The following GTF2IRD2 variants were observed in gnomAD, a reference collection of about 807,000 sequenced individuals.
GTF2IRD2 encodes the protein GTF2I repeat domain containing 2, also known as general transcription factor II-I repeat domain-containing protein 2A.
In GTF2IRD2, 8 loss-of-function variants were observed where a neutral mutation model predicts 49.2. The observed-to-expected ratio is 0.16, with a 90% CI of 0.10 to 0.29. The LOEUF (loss-of-function observed/expected upper bound fraction) is 0.29. Ranked by LOEUF, GTF2IRD2 falls within the 10% of genes least tolerant of loss-of-function variation. GTF2IRD2 has a pLI of 1.00. For missense variants in GTF2IRD2, 130 were observed against 725.7 expected, an observed-to-expected ratio of 0.18 and a Z score of 9.43; for synonymous variants, 47 against 289.7, an observed-to-expected ratio of 0.16 and a Z score of 8.51.
intron 10 of GTF2IRD2, among the ~76,000 whole-genome samples, chr7:74,809,485 C>CA (rs1201111544): frequency 5.9e-4 from 14 of 23,858 alleles, no homozygotes; most frequent in African/African-American, 3.1e-3. Flanking sequence ...ATTAAAAATA[C>CA]AAAAATTATC....
At chr7:74,825,959 C>T (rs1168575646) in intron 3 of GTF2IRD2, among the ~76,000 whole-genome samples, 1 of 151,934 alleles carries the variant, frequency 6.6e-6, no homozygotes. Flanking sequence ...TGCCACCACG[C>T]CCGGCTAATT....
chr7:74,796,455 G>A lies in GTF2IRD2; in HGVS notation c.*207C>T, dbSNP rs1386581834. 1.7e-5 allele frequency: 9 copies of A among 537,774 alleles called. No individual in the cohort carries two copies. The highest frequency in any genetic ancestry group is 1.0e-4 in the South Asian group (5 of 49,874). The allele number at this position is 537,774 out of a possible 1,614,324, so 33.3% of individuals were successfully genotyped here. A position where few individuals can be genotyped will look rare whatever the true frequency, so the allele number is the denominator to read the frequency against. On this transcript the variant is annotated 3_prime_UTR_variant, in exon 16 of 16. Transcript: ENST00000451013. ...CGCACGCCTGTAGTCCCAGCTGCTCGGGAGGCTGAGGCAGGAGAATCGTTC... is the reference window on the plus strand; with the variant it reads ...CGCACGCCTGTAGTCCCAGCTGCTCAGGAGGCTGAGGCAGGAGAATCGTTC...
chr7:74,850,958 T>C (rs1307457732), intron 1 of GTF2IRD2, among the ~76,000 whole-genome samples: 1 of 26,608 alleles, frequency 3.8e-5, no homozygotes, highest in Non-Finnish European at 5.9e-5. Context: ...ACGCGTGACG[T>C]CAGGGGGCGG....
At chr7:74,815,777 A>G (rs1466534810) in intron 8 of GTF2IRD2, among the ~76,000 whole-genome samples, 1 of 40,390 alleles carries the variant, frequency 2.5e-5, no homozygotes, top group Non-Finnish European at 5.3e-5. Flanking sequence ...AAAGAAAGAA[A>G]GAAGGAAAGA....
At chr7:74,815,859 A>AG (rs1798496721) in intron 8 of GTF2IRD2, among the ~76,000 whole-genome samples, 1 of 106,548 alleles carries the variant, frequency 9.4e-6, no homozygotes, top group Non-Finnish European at 2.0e-5. Context: ...AGAAAGAAAG[A>AG]AAGAAAGAGA....
At chr7:74,826,333 C>G (rs1554419688) in intron 3 of GTF2IRD2, among the ~76,000 whole-genome samples, 1 of 150,124 alleles carries the variant, frequency 6.7e-6, no homozygotes, top group African/African-American at 2.4e-5. Context: ...AATCTCAGCT[C>G]ACAGTAATCT....
At chr7:74,842,001 G>A (rs1554421942) in intron 1 of GTF2IRD2, among the ~76,000 whole-genome samples, 1 of 130,768 alleles carries the variant, frequency 7.6e-6, no homozygotes, top group African/African-American at 3.2e-5. Flanking sequence ...GCGCACGCCT[G>A]TAGTCCCAGC....
chr7:74,826,731 T>TC (rs1293701454), intron 3 of GTF2IRD2, among the ~76,000 whole-genome samples: 2 of 95,350 alleles, frequency 2.1e-5, no homozygotes, highest in African/African-American at 1.0e-4. Flanking sequence ...TTTTTTTTTT[T>TC]GAGAGAGTCT....
At chr7:74,831,227 C>A (rs1554420338) in intron 3 of GTF2IRD2, among the ~76,000 whole-genome samples, 1 of 150,626 alleles carries the variant, frequency 6.6e-6, no homozygotes, top group African/African-American at 2.4e-5. Flanking sequence ...TCTATCCATT[C>A]ATCTAATCTA....
intron 3 of GTF2IRD2, among the ~76,000 whole-genome samples, chr7:74,829,646 C>G (rs1799659349): frequency 6.7e-6 from 1 of 148,318 alleles, no homozygotes; most frequent in South Asian, 2.1e-4. Context: ...TTTTGGGAGG[C>G]TGAGGAGGGT....
In GTF2IRD2 at chr7:74,815,797, G is replaced by GGAAAGAAA. The variant is rs1189790776; in HGVS notation, c.671-2989_671-2982dup. On this transcript the variant is annotated intron_variant, in intron 8 of 15. Transcript: ENST00000451013. ...AAGAAAGAAGGAAAGAAAGAAAGAA[G>GGAAAGAAA]GAAAGAAAGAAAGAAAGAAAGAAAG... Among the ~76,000 whole-genome samples, 395 of 45,862 alleles carry GGAAAGAAA rather than the reference G, an allele frequency of 8.6e-3. 9 individuals are homozygous for GGAAAGAAA. Among genetic ancestry groups the GGAAAGAAA allele is most frequent in the South Asian group, 0.013 (17 of 1,324 alleles). The allele number at this position is 45,862 out of a possible 152,430, so 30.1% of individuals were successfully genotyped here.
chr7:74,829,505 T>A (rs1259885234), intron 3 of GTF2IRD2, among the ~76,000 whole-genome samples: 1 of 134,304 alleles, frequency 7.4e-6, no homozygotes, highest in Non-Finnish European at 1.6e-5. Flanking sequence ...ATATCTGTAC[T>A]ACCAAAAGCC....
At chr7:74,800,307 G>C (rs1160091274) in intron 15 of GTF2IRD2, among the ~76,000 whole-genome samples, 1 of 142,762 alleles carries the variant, frequency 7.0e-6, no homozygotes, top group Non-Finnish European at 1.5e-5. Flanking sequence ...CCGACTCCCT[G>C]GTTCAAGTGA....
intron 3 of GTF2IRD2, among the ~76,000 whole-genome samples, chr7:74,825,773 G>C (rs1799323682): frequency 1.3e-5 from 2 of 151,996 alleles, no homozygotes; most frequent in Admixed American, 1.3e-4. Context: ...TCAATGTAAG[G>C]GGCACAAGTA....
intron 3 of GTF2IRD2, among the ~76,000 whole-genome samples, chr7:74,829,890 A>AAAAACAAACAAAC (rs1167564000): frequency 5.6e-4 from 46 of 82,646 alleles, no homozygotes; most frequent in African/African-American, 9.4e-4. Context: ...TCTGTCTCAA[A>AAAAACAAACAAAC]AAAAAAAAAA....
intron 10 of GTF2IRD2, among the ~76,000 whole-genome samples, chr7:74,809,784 A>T (rs1444877641): frequency 7.4e-6 from 1 of 134,958 alleles, no homozygotes; most frequent in African/African-American, 2.6e-5. Flanking sequence ...GGAAATCTTT[A>T]TTATTATTAT....
Position 74,827,924 on chromosome 7 carries a change from G to A in GTF2IRD2, c.239-2872C>T, listed in dbSNP as rs1799536705. 6.1e-5 allele frequency among the ~76,000 whole-genome samples: 2 copies of A among 32,796 alleles called. 1 individual carries two copies. Among genetic ancestry groups the A allele is most frequent in the South Asian group, 2.2e-3 (2 of 898 alleles). The allele number at this position is 32,796 out of a possible 152,430, so 21.5% of individuals were successfully genotyped here. A position where few individuals can be genotyped will look rare whatever the true frequency, so the allele number is the denominator to read the frequency against. Reference sequence around the variant, plus strand: ...CAACCTCCACCTCCCGGGTTCAAGCGATTCTCCTGCCTCTCCCTCCCGAGT... The same window carrying A: ...CAACCTCCACCTCCCGGGTTCAAGCAATTCTCCTGCCTCTCCCTCCCGAGT... On this transcript the variant is annotated intron_variant, in intron 3 of 15. Transcript: ENST00000451013.
At chr7:74,847,506 TG>T in intron 1 of GTF2IRD2, among the ~76,000 whole-genome samples, 1 of 15,886 alleles carries the variant, frequency 6.3e-5, no homozygotes. Context: ...CATATCAGCC[TG>T]GCCAACATGG....
At position 74,824,234 on chromosome 7, in the gene GTF2IRD2, C is replaced by T. The variant is rs587616702; in HGVS notation, c.358+699G>A. On this transcript the variant is annotated intron_variant, in intron 4 of 15. Transcript: ENST00000451013. ...CTGTAATCTCAGCATTTTGGGAGGT[C>T]GAGGCAGGAGGATCACCTGAGGTCA... 1.2e-4 allele frequency among the ~76,000 whole-genome samples: 12 copies of T among 99,476 alleles called. No homozygotes were observed. The South Asian group carries it at 4.2e-3, about 34-fold the overall frequency. 65.3% of individuals were successfully genotyped at this position (99,476 alleles called of 152,430 possible).
Sources: allele counts gnomAD v4.1 joint callset (sites outside exome capture counted in the v4.1 genomes callset), GRCh38; gene constraint gnomAD v4.1.1; transcripts MANE v1.5; gene names NCBI Gene and HGNC (gene_info 2026-07-23, HGNC 2026-07-21).